SP140: variants seen among roughly 807,000 people sequenced by gnomAD.
SP140 encodes SP140 nuclear body protein, also known as nuclear body protein SP140.
In SP140, 81 loss-of-function variants were observed where a neutral mutation model predicts 125.0. The ratio of observed to expected loss-of-function variants is 0.65; its 90% CI spans 0.54 to 0.78. The LOEUF (loss-of-function observed/expected upper bound fraction) is 0.78, where lower values mean the gene tolerates loss of function less well. Ranked by LOEUF, SP140 falls within the 30% of genes least tolerant of loss-of-function variation. The probability of loss-of-function intolerance (pLI) is 0.00; values close to 1 mark genes in which losing one functional copy is unlikely to be tolerated. For synonymous variants in SP140, 312 were observed against 354.0 expected, an observed-to-expected ratio of 0.88 and a Z score of 1.33; for missense variants, 858 against 1,037.0, an observed-to-expected ratio of 0.83 and a Z score of 2.37.
chr2:230,289,672 G>T lies in SP140; in HGVS notation c.1721-788G>T, dbSNP rs572630000. Reference sequence around the variant, plus strand: ...GTATTTTTGGTAGAGATGGAGTTTCGCCATGTTGGCCAGGCTGGTCTCGAA... The same window carrying T: ...GTATTTTTGGTAGAGATGGAGTTTCTCCATGTTGGCCAGGCTGGTCTCGAA... On this transcript the variant is annotated intron_variant, in intron 18 of 26. Transcript: ENST00000392045. 2.6e-5 allele frequency among the ~76,000 whole-genome samples: 4 copies of T among 152,148 alleles called. No homozygotes were observed. In the East Asian group the frequency reaches 7.8e-4, roughly 29 times the overall value.
intron 15 of SP140, among the ~76,000 whole-genome samples, chr2:230,272,069 C>T (rs1184030770): frequency 6.6e-6 from 1 of 152,074 alleles, no homozygotes; most frequent in Non-Finnish European, 1.5e-5. Context: ...ACAGATGACA[C>T]AAACAAATGG....
downstream of SP140, among the ~76,000 whole-genome samples, chr2:230,315,681 GT>G (rs1402323311): frequency 2.6e-5 from 4 of 152,132 alleles, no homozygotes; most frequent in East Asian, 7.7e-4. Context: ...AGGTTTCATG[GT>G]GAAAACAAGT....
chr2:230,303,400 A>T (rs1388281254), intron 22 of SP140, among the ~76,000 whole-genome samples: 3 of 152,232 alleles, frequency 2.0e-5, no homozygotes, highest in Non-Finnish European at 4.4e-5. Context: ...AAGCAGTGAG[A>T]TTGAAATGGT....
chr2:230,271,919 A>G (rs2053992254), intron 15 of SP140, among the ~76,000 whole-genome samples: 1 of 152,198 alleles, frequency 6.6e-6, no homozygotes, highest in South Asian at 2.1e-4. Context: ...CATGTGACTC[A>G]TAAGTCCCTC....
chr2:230,222,123 G>A (rs911510390), upstream of SP140, among the ~76,000 whole-genome samples: 1 of 151,978 alleles, frequency 6.6e-6, no homozygotes, highest in African/African-American at 2.4e-5. Context: ...CGAGCTACTC[G>A]GGAGGCTGAG....
chr2:230,264,591 A>G (rs1014657311), intron 12 of SP140, among the ~76,000 whole-genome samples: 2 of 151,992 alleles, frequency 1.3e-5, no homozygotes, highest in African/African-American at 4.8e-5. Flanking sequence ...GTTCCTTCTC[A>G]TTTGGGTAGG....
At chr2:230,252,587 G>A (rs375518236) in intron 10 of SP140, among the ~76,000 whole-genome samples, 2 of 152,166 alleles carry the variant, frequency 1.3e-5, no homozygotes, top group South Asian at 4.1e-4. Context: ...TGGGAGACCA[G>A]GTGGGCAAGG....
At chr2:230,276,481 C>G (rs62191198) in intron 15 of SP140, among the ~76,000 whole-genome samples, 29,585 of 152,118 alleles carry the variant, frequency 0.19, 3,186 homozygotes, top group Non-Finnish European at 0.24. Flanking sequence ...AAAAAAGATT[C>G]CTTTCAAAAT....
At chr2:230,198,489 G>A (rs1056474044), upstream of SP140, among the ~76,000 whole-genome samples, 1 of 152,134 alleles carries the variant, frequency 6.6e-6, no homozygotes, top group African/African-American at 2.4e-5. Context: ...TAGTAATAAA[G>A]CCCCTGATTC....
chr2:230,217,826 G>A (rs2045391735), intron 3 of SP140, among the ~76,000 whole-genome samples: 1 of 152,170 alleles, frequency 6.6e-6, no homozygotes, highest in Admixed American at 6.5e-5. Flanking sequence ...ATGCAACAGG[G>A]ACCACCCTAA....
chr2:230,285,899 C>A (rs1000406090), intron 17 of SP140, 67 bp downstream of exon 17: 10 of 1,197,586 alleles, frequency 8.4e-6, no homozygotes, highest in Non-Finnish European at 1.2e-5. Context: ...GAGGTATTGA[C>A]GAGCCTAGAT....
chr2:230,259,157 G>A (rs1187745719), intron 12 of SP140, among the ~76,000 whole-genome samples: 2 of 152,066 alleles, frequency 1.3e-5, no homozygotes, highest in East Asian at 1.9e-4. Context: ...ACATGGGTAA[G>A]TTCTTTAGTG....
rs1012131276 is a variant in SP140, at chr2:230,270,331, G to A, written c.1445-255G>A. Among the ~76,000 whole-genome samples the A allele has an allele frequency of 4.6e-5, 7 of 152,056 alleles. No individual in the cohort carries two copies. In the East Asian group the frequency reaches 9.6e-4, roughly 21 times the overall value. ...CCACACTCAAAAGACAACTAATCCC[G>A]GTACTTAATTGTCAGGAGGAAAGAC... On this transcript the variant is annotated intron_variant, in intron 14 of 26. Transcript: ENST00000392045.
chr2:230,261,561 C>A (rs1407521360), intron 12 of SP140, among the ~76,000 whole-genome samples: 3 of 152,036 alleles, frequency 2.0e-5, no homozygotes, highest in African/African-American at 7.2e-5. Flanking sequence ...TCAACATTTC[C>A]CCATTCAGTA....
At chr2:230,241,161 G>A (rs1011790494) in intron 3 of SP140, among the ~76,000 whole-genome samples, 1 of 152,182 alleles carries the variant, frequency 6.6e-6, no homozygotes. Flanking sequence ...GAACAGTGGT[G>A]TCTTAAGCAC....
At chr2:230,261,946 A>G (rs1293744076) in intron 12 of SP140, among the ~76,000 whole-genome samples, 1 of 152,140 alleles carries the variant, frequency 6.6e-6, no homozygotes, top group African/African-American at 2.4e-5. Flanking sequence ...TGGTGTTGGT[A>G]TTAGGGTGAT....
intron 1 of SP140, among the ~76,000 whole-genome samples, chr2:230,207,023 G>A (rs974563756): frequency 1.3e-5 from 2 of 152,084 alleles, no homozygotes; most frequent in African/African-American, 4.8e-5. Flanking sequence ...ACATCTTTAG[G>A]TTGTAAAAGC....
intron 12 of SP140, among the ~76,000 whole-genome samples, chr2:230,259,795 T>TATATATATATATATATATATATATATAC (rs1370331057): frequency 3.6e-5 from 4 of 111,522 alleles, no homozygotes; most frequent in African/African-American, 6.6e-5. Context: ...TATATATATA[T>TATATATATATATATATATATATATATAC]ACCACATACA....
intron 8 of SP140, among the ~76,000 whole-genome samples, 153 bp downstream of exon 8, chr2:230,248,218 G>A (rs886281020): frequency 3.3e-5 from 5 of 152,158 alleles, no homozygotes; most frequent in African/African-American, 1.2e-4. Context: ...CTTTAACATC[G>A]ATATGCAAAC....
Sources: gnomAD v4.1 joint callset for allele counts (sites outside exome capture counted in the v4.1 genomes callset) on GRCh38, gnomAD v4.1.1 for gene constraint, MANE v1.5 for transcripts, NCBI Gene and HGNC (gene_info 2026-07-23, HGNC 2026-07-21) for gene names.